The following CDK13 variants were observed in gnomAD, a reference collection of about 807,000 sequenced individuals.
CDK13 encodes cyclin-dependent kinase 13.
A neutral mutation model predicts 137.6 loss-of-function variants in CDK13; 40 were observed. The ratio of observed to expected loss-of-function variants is 0.29; its 90% confidence interval spans 0.23 to 0.38. The LOEUF (loss-of-function observed/expected upper bound fraction) is 0.38. CDK13 is among the 10% of genes least tolerant of loss of function. The probability of loss-of-function intolerance (pLI) is 1.00; values close to 1 mark genes in which losing one functional copy is unlikely to be tolerated. For synonymous variants in CDK13, 869 were observed against 760.1 expected (o/e 1.14, Z -2.36); for missense variants, 1,704 against 1,951.8 (o/e 0.87, Z 2.39).
chr7:40,061,701 G>A (rs1786151894), intron 7 of CDK13: 1 of 152,174 alleles, frequency 6.6e-6, no homozygotes, highest in African/African-American at 2.4e-5. Context: ...TCTCCCTGAA[G>A]TAAGTAACTA....
intron 5 of CDK13, among the ~76,000 whole-genome samples, chr7:40,006,985 A>G (rs760172458): frequency 6.6e-6 from 1 of 152,172 alleles, no homozygotes; most frequent in Non-Finnish European, 1.5e-5. Context: ...CTAACTCTGC[A>G]TAGTAACAGT....
In CDK13 at chr7:40,093,080, G is replaced by A. The variant is rs767404749; in HGVS notation, c.3531G>A (p.Ala1177=). The A allele has an allele frequency of 3.7e-6, 6 of 1,614,042 alleles. No homozygotes were observed. Among genetic ancestry groups the A allele is most frequent in the African/African-American group, 2.7e-5 (2 of 74,890 alleles). Residue 1177 remains alanine, a synonymous_variant, in exon 13 of 14, where the codon GCG becomes GCA. Transcript: ENST00000181839. ...QPKVETDAAQ[A]AVQSAFAVLL... Reference sequence around the variant, plus strand: ...AAGTGGAGACTGATGCTGCCCAGGCGGCTGTGCAGAGTGCATTTGCAGTTC... The same window carrying A: ...AAGTGGAGACTGATGCTGCCCAGGCAGCTGTGCAGAGTGCATTTGCAGTTC...
chr7:39,999,041 T>C (rs1441247048), intron 3 of CDK13: 3 of 176,904 alleles, frequency 1.7e-5, no homozygotes, highest in African/African-American at 7.1e-5. Context: ...ATTTTGACTC[T>C]ACTAGTGTTG....
chr7:40,029,591 G>A (rs187738510), intron 5 of CDK13, among the ~76,000 whole-genome samples: 10 of 151,850 alleles, frequency 6.6e-5, no homozygotes, highest in African/African-American at 9.7e-5. Flanking sequence ...GTGATGGCGC[G>A]CGCCTGTAGT....
chr7:39,964,981 C>G (rs1583915543), intron 1 of CDK13, among the ~76,000 whole-genome samples: 2 of 152,284 alleles, frequency 1.3e-5, no homozygotes, highest in African/African-American at 4.8e-5. Flanking sequence ...GCACTGTGGT[C>G]TGAGAGACAG....
intron 5 of CDK13, among the ~76,000 whole-genome samples, chr7:40,023,868 A>T (rs768531439): frequency 6.6e-6 from 1 of 152,208 alleles, no homozygotes; most frequent in African/African-American, 2.4e-5. Context: ...TTTATGGTCA[A>T]CAAAGATAGG....
chr7:39,957,883 T>C (rs1296613764), intron 1 of CDK13, among the ~76,000 whole-genome samples: 6 of 152,246 alleles, frequency 3.9e-5, no homozygotes, highest in Admixed American at 3.9e-4. Flanking sequence ...TAAGATAATT[T>C]TAATTTTTTC....
chr7:39,966,508 A>G (rs562729553), intron 1 of CDK13, among the ~76,000 whole-genome samples: 1 of 151,886 alleles, frequency 6.6e-6, no homozygotes, highest in Non-Finnish European at 1.5e-5. Flanking sequence ...TTAGCCATTC[A>G]TCTAATTTTT....
intron 7 of CDK13, among the ~76,000 whole-genome samples, chr7:40,051,684 C>T (rs1313593879): frequency 6.6e-6 from 1 of 152,194 alleles, no homozygotes. Flanking sequence ...CCACAGCTCT[C>T]ATTAGATTTT....
intron 5 of CDK13, among the ~76,000 whole-genome samples, chr7:40,019,991 G>C (rs770005936): frequency 6.6e-6 from 1 of 152,084 alleles, no homozygotes; most frequent in Non-Finnish European, 1.5e-5. Context: ...TTTGTCTCTG[G>C]CTTTAAATGT....
Position 39,967,113 on chromosome 7 carries a change from G to C in CDK13, c.1211+15261G>C, listed in dbSNP as rs1208980021. ...GTTCTCAGATCTCCAGCTGCGTGCT[G>C]GGAGAACCACAATTTACTTCTTTTT... On this transcript the variant is annotated intron_variant, in intron 1 of 13. Transcript: ENST00000181839. Among the ~76,000 whole-genome samples, 5 of 152,224 alleles carry C rather than the reference G, an allele frequency of 3.3e-5. No homozygotes were observed. The East Asian group carries it at 9.6e-4, about 29-fold the overall frequency.
rs1035218104 is a variant in CDK13 at position 40,094,384 on chromosome 7, C to A, written c.3943C>A (p.Pro1315Thr). The change falls in exon 14 of 14, where the codon CCC becomes ACC. Residue 1315 changes from proline to threonine, a missense_variant. Around this residue, in one of 5 missense-constraint regions of CDK13, gnomAD observed 475 missense variants for 579.3 expected, o/e 0.82. Coordinates refer to ENST00000181839, the MANE Select transcript of CDK13 (RefSeq NM_003718.5). ...TGCTCAGCATCAGCCCCAGGATGAC[C>A]CCAAAAGAGAAGGTGGGATTGATTA... ...LLAQHQPQDD[P>T]KREGGIDYQA... 6.2e-7 allele frequency: 1 copy of A among 1,613,800 alleles called. No homozygotes were observed. The highest frequency in any genetic ancestry group is 1.3e-5 in the African/African-American group (1 of 74,824).
chr7:39,994,750 T>G (rs1784527148), intron 2 of CDK13, among the ~76,000 whole-genome samples: 1 of 152,182 alleles, frequency 6.6e-6, no homozygotes, highest in African/African-American at 2.4e-5. Context: ...GAGTAATATA[T>G]ATCCTTTGAC....
intron 5 of CDK13, among the ~76,000 whole-genome samples, chr7:40,016,464 T>A (rs1785007447): frequency 6.6e-6 from 1 of 152,202 alleles, no homozygotes; most frequent in Non-Finnish European, 1.5e-5. Flanking sequence ...AGGAGAGACT[T>A]TATATAGTAG....
chr7:39,967,888 C>CT (rs34259082), intron 1 of CDK13, among the ~76,000 whole-genome samples: 8,865 of 151,664 alleles, frequency 0.058, 362 homozygotes, highest in Non-Finnish European at 0.082. Context: ...TTTGTATGTC[C>CT]TTTTTAAAAA....
intron 5 of CDK13, among the ~76,000 whole-genome samples, chr7:40,022,713 C>G (rs978617840): frequency 1.3e-5 from 2 of 151,204 alleles, no homozygotes; most frequent in Non-Finnish European, 2.9e-5. Context: ...AGAGGAATGT[C>G]CTGATCTACC....
chr7:40,031,837 A>G (rs867964981), intron 5 of CDK13, among the ~76,000 whole-genome samples: 50 of 129,942 alleles, frequency 3.8e-4, no homozygotes, highest in Admixed American at 2.0e-3. Flanking sequence ...TGTTATTATT[A>G]TTATTATTAT....
chr7:40,048,255 T>A (rs999486825), intron 7 of CDK13: 7 of 168,558 alleles, frequency 4.2e-5, no homozygotes, highest in African/African-American at 7.2e-5. Flanking sequence ...TTTATTGTTA[T>A]ATCTACAGTT....
intron 1 of CDK13, among the ~76,000 whole-genome samples, chr7:39,953,364 A>G (rs1787299132): frequency 6.6e-6 from 1 of 152,296 alleles, no homozygotes; most frequent in Admixed American, 6.5e-5. Flanking sequence ...CAGTTTTTGC[A>G]GTTGAATTTG....
Sources: allele counts gnomAD v4.1 joint callset (sites outside exome capture counted in the v4.1 genomes callset), GRCh38; gene constraint gnomAD v4.1.1; regional missense constraint gnomAD v4.1.1; transcripts MANE v1.5; gene names NCBI Gene and HGNC (gene_info 2026-07-23, HGNC 2026-07-21).